The following CHMP3 variants were observed in gnomAD, a reference collection of about 807,000 sequenced individuals.
CHMP3 encodes the protein charged multivesicular body protein 3.
Under a neutral mutation model 27.4 loss-of-function variants are expected in CHMP3, and 8 were observed. That is an observed-to-expected ratio of 0.29 (90% CI 0.17 to 0.53). The LOEUF is 0.53. Ranked by LOEUF, CHMP3 falls within the 20% of genes least tolerant of loss-of-function variation. The pLI is 0.96. For synonymous variants in CHMP3, 86 were observed against 85.5 expected (o/e 1.01, Z -0.03); for missense variants, 208 against 271.5 (o/e 0.77, Z 1.64).
At chr2:86,535,653 C>T (rs919653506) in intron 2 of CHMP3, among the ~76,000 whole-genome samples, 8 of 152,090 alleles carry the variant, frequency 5.3e-5, no homozygotes, top group Non-Finnish European at 5.9e-5. Context: ...ATTACAGGCG[C>T]GCACCACACG....
At chr2:86,546,229 C>T (rs1392317257) in intron 1 of CHMP3, among the ~76,000 whole-genome samples, 4 of 151,922 alleles carry the variant, frequency 2.6e-5, no homozygotes, top group Admixed American at 6.5e-5. Context: ...TCAGGTGTGG[C>T]GGTGCGTGCC....
intron 3 of CHMP3, among the ~76,000 whole-genome samples, chr2:86,513,205 G>A (rs557840286): frequency 6.6e-6 from 1 of 152,280 alleles, no homozygotes; most frequent in Admixed American, 6.5e-5. Flanking sequence ...GCCATGAAAA[G>A]ACAAGGAAGA....
intron 3 of CHMP3, among the ~76,000 whole-genome samples, chr2:86,519,824 C>T (rs1256870315): frequency 6.6e-6 from 1 of 152,060 alleles, no homozygotes; most frequent in African/African-American, 2.4e-5. Flanking sequence ...AAACTTAAAA[C>T]CCTTGAATAA....
chr2:86,545,824 C>T (rs1047502802), intron 1 of CHMP3, among the ~76,000 whole-genome samples: 55 of 150,358 alleles, frequency 3.7e-4, no homozygotes, highest in African/African-American at 9.3e-4. Context: ...CAGGCAGAGG[C>T]GCTCCTCACT....
rs1309107963 is a variant in CHMP3, at chr2:86,510,446, C to T, written c.320G>A (p.Ser107Asn). 2.5e-6 allele frequency: 4 copies of T among 1,613,814 alleles called. No individual in the cohort carries two copies. Among genetic ancestry groups the T allele is most frequent in the Non-Finnish European group, 3.4e-6 (4 of 1,180,018 alleles). Reference protein sequence around the residue: ...VLRVAGSLQKSTEVMKAMQSL... With the variant: ...VLRVAGSLQKNTEVMKAMQSL... The stretch of plus-strand genomic sequence containing the variant: ...TTGCATGGCCTTCATCACTTCTGTG[C>T]TCTTCTGCAGGGAACCAGCCACTCG... Residue 107 changes from serine to asparagine, a missense_variant, in exon 4 of 6, where the codon AGC (serine) becomes AAC (asparagine). Physicochemically the swap from Ser to Asn is conservative, Grantham distance 46. This residue lies in a region of CHMP3 where 94 missense variants were observed against 159.6 expected (regional missense o/e 0.59). Coordinates refer to ENST00000263856, the MANE Select transcript of CHMP3 (RefSeq NM_016079.4).
rs1674824999 is a variant in CHMP3 at position 86,504,700 on chromosome 2, T to G, written c.*1104A>C. ...GAAGGACCCCATTGTTTCAGGATTT[T>G]GCTACAATATACAAAAAACAATCTG... On this transcript the variant is annotated 3_prime_UTR_variant, in exon 6 of 6. Transcript: ENST00000263856. 1 of 152,058 alleles carries G rather than the reference T, an allele frequency of 6.6e-6. No individual in the cohort carries two copies. Among genetic ancestry groups the G allele is most frequent in the African/African-American group, 2.4e-5 (1 of 41,392 alleles). The allele number at this position is 152,058 out of a possible 1,614,324, so 9.4% of individuals were successfully genotyped here. A position where few individuals can be genotyped will look rare whatever the true frequency, so the allele number is the denominator to read the frequency against.
intron 1 of CHMP3, among the ~76,000 whole-genome samples, chr2:86,543,588 T>C (rs921158866): frequency 6.6e-6 from 1 of 152,248 alleles, no homozygotes; most frequent in African/African-American, 2.4e-5. Context: ...TAGCCTATCA[T>C]AATCATTTTA....
intron 3 of CHMP3, among the ~76,000 whole-genome samples, chr2:86,526,135 T>C (rs1675700750): frequency 6.6e-6 from 1 of 152,354 alleles, no homozygotes; most frequent in East Asian, 1.9e-4. Context: ...ATTTAAACGA[T>C]AGGCTCTTAT....
At chr2:86,558,165 TAAGAG>T (rs1677198904) in intron 1 of CHMP3, among the ~76,000 whole-genome samples, 1 of 152,214 alleles carries the variant, frequency 6.6e-6, no homozygotes, top group African/African-American at 2.4e-5. Flanking sequence ...ACCTCAAGTC[TAAGAG>T]AAGAATCTCT....
At chr2:86,550,528 A>G (rs1024043385) in intron 1 of CHMP3, among the ~76,000 whole-genome samples, 9 of 152,250 alleles carry the variant, frequency 5.9e-5, no homozygotes, top group African/African-American at 1.9e-4. Context: ...ATATTTATCT[A>G]TATTGAAATT....
intron 2 of CHMP3, among the ~76,000 whole-genome samples, chr2:86,538,266 G>T (rs1169379819): frequency 1.3e-5 from 2 of 152,148 alleles, no homozygotes; most frequent in Non-Finnish European, 2.9e-5. Context: ...AGGGGCTGGG[G>T]GTAGAGAGAA....
Position 86,505,411 on chromosome 2 carries a change from A to G in CHMP3, c.*393T>C, listed in dbSNP as rs961093952. ...GCAATCTGGGGCAGCCGACACCTTG[A>G]AAGTTTACTGCACAGGGCAATCTAC... On this transcript the variant is annotated 3_prime_UTR_variant, in exon 6 of 6. Transcript: ENST00000263856. 6.4e-6 allele frequency: 1 copy of G among 155,842 alleles called. No individual in the cohort carries two copies. The highest frequency in any genetic ancestry group is 2.4e-5 in the African/African-American group (1 of 41,632). The allele number at this position is 155,842 out of a possible 1,614,324, so 9.7% of individuals were successfully genotyped here. A position where few individuals can be genotyped will look rare whatever the true frequency, so the allele number is the denominator to read the frequency against.
At chr2:86,524,692 G>T (rs1675633977) in intron 3 of CHMP3, among the ~76,000 whole-genome samples, 1 of 152,168 alleles carries the variant, frequency 6.6e-6, no homozygotes, top group African/African-American at 2.4e-5. Context: ...GACACCGAGG[G>T]ATAAATGTAT....
chr2:86,551,064 G>T (rs965106485), intron 1 of CHMP3, among the ~76,000 whole-genome samples: 6 of 152,100 alleles, frequency 3.9e-5, no homozygotes, highest in Non-Finnish European at 8.8e-5. Flanking sequence ...TTCTTCCAAA[G>T]AGGAATTACA....
chr2:86,534,316 A>G (rs1238218704), intron 2 of CHMP3, among the ~76,000 whole-genome samples: 1 of 143,064 alleles, frequency 7.0e-6, no homozygotes, highest in Non-Finnish European at 1.5e-5. Flanking sequence ...CTCCTACCTC[A>G]GCCTCCCGTA....
intron 4 of CHMP3, among the ~76,000 whole-genome samples, chr2:86,509,412 CTA>C (rs553597696): frequency 5.2e-4 from 79 of 152,168 alleles, no homozygotes; most frequent in Non-Finnish European, 8.2e-4. Context: ...CCTGGGCTTT[CTA>C]TGTCATTTTT....
chr2:86,544,991 G>A lies in CHMP3; in HGVS notation c.46-2679C>T, dbSNP rs550290449. On this transcript the variant is annotated intron_variant, in intron 1 of 5. Coordinates refer to ENST00000263856, the MANE Select transcript of CHMP3 (RefSeq NM_016079.4). Reference sequence around the variant, plus strand: ...CAGAGGCGCTCCTCACCTCCCAGACGAAGGGCGGCCGGGCAGAGGCGCTCC... The same window carrying A: ...CAGAGGCGCTCCTCACCTCCCAGACAAAGGGCGGCCGGGCAGAGGCGCTCC... 1.8e-4 allele frequency among the ~76,000 whole-genome samples: 17 copies of A among 93,380 alleles called. 1 individual carries two copies. In the South Asian group the frequency reaches 6.4e-3, roughly 35 times the overall value. 61.3% of individuals were successfully genotyped at this position (93,380 alleles called of 152,430 possible).
Position 86,548,236 on chromosome 2 carries a change from AG to A in CHMP3, c.46-5925del, listed in dbSNP as rs34583875. 3.7e-5 allele frequency among the ~76,000 whole-genome samples: 5 copies of A among 135,944 alleles called. No individual in the cohort carries two copies. The Admixed American group carries it at 4.0e-4, about 11-fold the overall frequency. 89.2% of individuals were successfully genotyped at this position (135,944 alleles called of 152,430 possible). On this transcript the variant is annotated intron_variant, in intron 1 of 5. Coordinates refer to ENST00000263856, the MANE Select transcript of CHMP3 (RefSeq NM_016079.4). Reference sequence around the variant, plus strand: ...GATCATTCTTGGGTGTTTCTCAAAGAGGGGGATGTGGCAGGGTCATAGGATA... The same window carrying A: ...GATCATTCTTGGGTGTTTCTCAAAGAGGGGATGTGGCAGGGTCATAGGATA...
intron 3 of CHMP3, among the ~76,000 whole-genome samples, chr2:86,514,363 T>C (rs565919868): frequency 6.6e-6 from 1 of 152,346 alleles, no homozygotes; most frequent in South Asian, 2.1e-4. Context: ...TTATGAAGTA[T>C]ATGTAACACT....
Sources: gnomAD v4.1 joint callset for allele counts (sites outside exome capture counted in the v4.1 genomes callset) on GRCh38, gnomAD v4.1.1 for gene constraint, gnomAD v4.1.1 regional missense constraint, MANE v1.5 for transcripts, NCBI Gene and HGNC (gene_info 2026-07-23, HGNC 2026-07-21) for gene names.